The following MYRFL variants were observed in gnomAD, a reference collection of about 807,000 sequenced individuals.
MYRFL encodes myelin regulatory factor like.
A neutral mutation model predicts 109.4 loss-of-function variants in MYRFL; 88 were observed. That is an observed-to-expected ratio of 0.80 (90% confidence interval 0.68 to 0.96). The LOEUF is 0.96. MYRFL is among the 40% of genes least tolerant of loss of function. The probability of loss-of-function intolerance (pLI) is 0.00; values close to 1 mark genes in which losing one functional copy is unlikely to be tolerated. For synonymous variants in MYRFL, 324 were observed against 320.9 expected, an observed-to-expected ratio of 1.01 and a Z score of -0.10; for missense variants, 957 against 954.9, an observed-to-expected ratio of 1.00 and a Z score of -0.03.
At chr12:69,848,974 T>C (rs562558173) in intron 1 of MYRFL, among the ~76,000 whole-genome samples, 1 of 152,252 alleles carries the variant, frequency 6.6e-6, no homozygotes, top group Admixed American at 6.5e-5. Context: ...CGGGTTCAAG[T>C]GATTTTCATG....
rs545257719 is a variant in MYRFL, at chr12:69,846,277, G to A, written c.47-9003G>A. 6.6e-5 allele frequency among the ~76,000 whole-genome samples: 10 copies of A among 151,288 alleles called. No individual in the cohort carries two copies. The East Asian group carries it at 1.9e-3, about 29-fold the overall frequency. On this transcript the variant is annotated intron_variant, in intron 1 of 24. Transcript: ENST00000552032. ...ATAGGTATACATGTGCCATGCTGGT[G>A]TGCTGCACCCATTAACTCGTCATTT... is the stretch of plus-strand genomic sequence containing the variant.
At chr12:69,928,238 A>C (rs1175046560) in intron 15 of MYRFL, among the ~76,000 whole-genome samples, 2 of 152,248 alleles carry the variant, frequency 1.3e-5, no homozygotes, top group African/African-American at 4.8e-5. Flanking sequence ...GAATAAAGAA[A>C]GCATTTATTA....
chr12:69,902,913 A>G (rs1954237148), intron 10 of MYRFL, among the ~76,000 whole-genome samples: 1 of 152,248 alleles, frequency 6.6e-6, no homozygotes, highest in South Asian at 2.1e-4. Context: ...CAGGCAAATC[A>G]TTATTTAATA....
chr12:69,907,302 C>T (rs972430318), intron 11 of MYRFL, among the ~76,000 whole-genome samples: 1 of 152,136 alleles, frequency 6.6e-6, no homozygotes, highest in African/African-American at 2.4e-5. Flanking sequence ...GATAGTAGTA[C>T]CAGAGAACCT....
At chr12:69,939,350 C>T (rs1287148252) in intron 19 of MYRFL, among the ~76,000 whole-genome samples, 157 of 152,234 alleles carry the variant, frequency 1.0e-3, no homozygotes, top group African/African-American at 3.5e-3. Flanking sequence ...GATCTGAGAA[C>T]GGGCAGACTG....
intron 2 of MYRFL, among the ~76,000 whole-genome samples, chr12:69,860,853 T>C (rs2136324538): frequency 6.9e-6 from 1 of 144,660 alleles, no homozygotes; most frequent in East Asian, 2.1e-4. Flanking sequence ...ACTCATCATT[T>C]AGCATTAGGT....
chr12:69,892,941 T>C (rs184409602), intron 7 of MYRFL, among the ~76,000 whole-genome samples: 8 of 152,338 alleles, frequency 5.3e-5, no homozygotes, highest in African/African-American at 1.9e-4. Flanking sequence ...AAGGACCCCA[T>C]AAAAATATTG....
intron 1 of MYRFL, among the ~76,000 whole-genome samples, chr12:69,843,258 A>C (rs1383243095): frequency 6.6e-6 from 1 of 152,154 alleles, no homozygotes; most frequent in Non-Finnish European, 1.5e-5. Flanking sequence ...TTTCATGAAC[A>C]CTGGCATGTC....
intron 2 of MYRFL, among the ~76,000 whole-genome samples, chr12:69,869,849 A>T (rs929254844): frequency 6.6e-5 from 10 of 152,190 alleles, no homozygotes; most frequent in Admixed American, 6.5e-4. Flanking sequence ...CCTGGTTGCA[A>T]TATGAAAGAA....
intron 13 of MYRFL, among the ~76,000 whole-genome samples, chr12:69,925,520 T>C (rs1445887140): frequency 6.6e-6 from 1 of 151,918 alleles, no homozygotes; most frequent in Non-Finnish European, 1.5e-5. Flanking sequence ...CCAGCCTCTC[T>C]GCAATTCAGA....
chr12:69,908,587 C>T (rs955558906), intron 11 of MYRFL, among the ~76,000 whole-genome samples: 1 of 152,182 alleles, frequency 6.6e-6, no homozygotes, highest in Non-Finnish European at 1.5e-5. Flanking sequence ...CCTTCCTTTA[C>T]GTGTCCCTGA....
intron 1 of MYRFL, among the ~76,000 whole-genome samples, chr12:69,850,923 G>T (rs531810916): frequency 2.6e-5 from 4 of 151,854 alleles, no homozygotes; most frequent in African/African-American, 9.7e-5. Context: ...TTTCATTTTG[G>T]AATTGTCTAT....
chr12:69,827,845 T>C (rs2136312045), intron 1 of MYRFL, among the ~76,000 whole-genome samples: 1 of 152,192 alleles, frequency 6.6e-6, no homozygotes, highest in South Asian at 2.1e-4. Flanking sequence ...TTATTAAAAC[T>C]GGGTTGAAAA....
chr12:69,826,599 C>T (rs1203112952), intron 1 of MYRFL, among the ~76,000 whole-genome samples: 1 of 151,946 alleles, frequency 6.6e-6, no homozygotes, highest in Non-Finnish European at 1.5e-5. Flanking sequence ...TATGGGATCC[C>T]TATACTGTCC....
intron 1 of MYRFL, among the ~76,000 whole-genome samples, chr12:69,843,976 G>C (rs1249012852): frequency 6.6e-6 from 1 of 152,218 alleles, no homozygotes; most frequent in Non-Finnish European, 1.5e-5. Context: ...GTGCCCTCTT[G>C]GCAGGCTTGG....
chr12:69,911,834 A>C (rs1566019720), intron 13 of MYRFL, among the ~76,000 whole-genome samples: 1 of 152,196 alleles, frequency 6.6e-6, no homozygotes, highest in Non-Finnish European at 1.5e-5. Flanking sequence ...CTAATTTATA[A>C]TTTGTCAGTT....
At chr12:69,907,472 A>G (rs977038918) in intron 11 of MYRFL, among the ~76,000 whole-genome samples, 1 of 152,118 alleles carries the variant, frequency 6.6e-6, no homozygotes, top group Admixed American at 6.5e-5. Context: ...TTCCTTCTTT[A>G]GCTGGGGCCC....
intron 13 of MYRFL, 87 bp downstream of exon 13, chr12:69,911,017 C>A: frequency 2.4e-6 from 2 of 835,844 alleles, no homozygotes; most frequent in Non-Finnish European, 1.8e-6. Context: ...CTGAAACATC[C>A]AACCAGGAAG....
At chr12:69,874,533 AT>A (rs1885542031) in intron 2 of MYRFL, among the ~76,000 whole-genome samples, 1 of 152,158 alleles carries the variant, frequency 6.6e-6, no homozygotes, top group Non-Finnish European at 1.5e-5. Flanking sequence ...ATAATATATC[AT>A]TTTTATTCTC....
Sources: allele counts gnomAD v4.1 joint callset (sites outside exome capture counted in the v4.1 genomes callset), GRCh38; gene constraint gnomAD v4.1.1; transcripts MANE v1.5; gene names NCBI Gene and HGNC (gene_info 2026-07-23, HGNC 2026-07-21).